The following MAF variants were observed in gnomAD, a reference collection of about 807,000 sequenced individuals.
The protein encoded by MAF is MAF bZIP transcription factor, also known as transcription factor Maf.
Under a neutral mutation model 22.0 loss-of-function variants are expected in MAF, and 10 were observed. The ratio of observed to expected loss-of-function variants is 0.45; its 90% CI spans 0.28 to 0.77. The LOEUF is 0.77. Among genes scored for constraint, MAF ranks in the 30% least tolerant of loss-of-function variants. MAF has a pLI of 0.12. For missense variants in MAF, 544 were observed against 548.4 expected (o/e 0.99, Z 0.08); for synonymous variants, 337 against 255.8 (o/e 1.32, Z -3.03).
chr16:79,376,076 G>GT, the MAF span, among the ~76,000 whole-genome samples: 1 of 151,168 alleles, frequency 6.6e-6, no homozygotes, highest in Admixed American at 6.6e-5. Context: ...TGGGAGAACA[G>GT]TGAAGCAACA....
At chr16:79,313,974 G>C in the MAF span, among the ~76,000 whole-genome samples, 1 of 152,126 alleles carries the variant, frequency 6.6e-6, no homozygotes, top group African/African-American at 2.4e-5. Flanking sequence ...AAGAATAAAG[G>C]CCAGGGAAAA....
the MAF span, among the ~76,000 whole-genome samples, chr16:79,522,098 G>A: frequency 6.6e-6 from 1 of 152,146 alleles, no homozygotes; most frequent in Non-Finnish European, 1.5e-5. Flanking sequence ...GATAGAGACA[G>A]CATCCTGGGG....
At chr16:79,492,985 GACTC>G in the MAF span, among the ~76,000 whole-genome samples, 1 of 151,654 alleles carries the variant, frequency 6.6e-6, no homozygotes, top group South Asian at 2.1e-4. Context: ...TGGAGGTAGA[GACTC>G]ACTCTGTCAT....
rs1313436271 is a variant in MAF, at chr16:79,598,131, C to T, written c.1118+654G>A. On this transcript the variant is annotated intron_variant, in intron 1 of 1. Transcript: ENST00000326043. ...TTTTTCCTTTGCAAGCTCAATCTCA[C>T]ATGAAGAACTCAGGAGAAGAAAAAA... The T allele has an allele frequency of 5.8e-6, 6 of 1,043,324 alleles. No homozygotes were observed. The African/African-American group carries it at 1.0e-4, about 18-fold the overall frequency. 64.6% of individuals were successfully genotyped at this position (1,043,324 alleles called of 1,614,324 possible). A position where few individuals can be genotyped will look rare whatever the true frequency, so the allele number is the denominator to read the frequency against.
the MAF span, among the ~76,000 whole-genome samples, chr16:79,252,300 A>C: frequency 1.3e-5 from 2 of 150,974 alleles, no homozygotes; most frequent in African/African-American, 2.4e-5. Context: ...TTTATTTATA[A>C]ATAAACTTTA....
the MAF span, among the ~76,000 whole-genome samples, chr16:79,448,359 G>C: frequency 0.14 from 21,577 of 151,236 alleles, 1,904 homozygotes; most frequent in East Asian, 0.25. Flanking sequence ...CTTTCTGAAG[G>C]CTCAGATGAA....
At chr16:79,285,433 C>G in the MAF span, among the ~76,000 whole-genome samples, 1 of 152,046 alleles carries the variant, frequency 6.6e-6, no homozygotes. Context: ...AGCTGTACAG[C>G]TGGAAAATAG....
downstream of MAF, among the ~76,000 whole-genome samples, chr16:79,591,166 G>A (rs977312662): frequency 2.6e-5 from 4 of 152,062 alleles, no homozygotes. Context: ...ATAGTTCTTT[G>A]GAATCTCAGC....
chr16:79,568,106 G>C, the MAF span, among the ~76,000 whole-genome samples: 2 of 152,310 alleles, frequency 1.3e-5, no homozygotes, highest in East Asian at 1.9e-4. Context: ...TCAAATGTTG[G>C]GGGTGGGGGA....
the MAF span, among the ~76,000 whole-genome samples, chr16:79,406,138 A>G: frequency 6.7e-6 from 1 of 149,714 alleles, no homozygotes; most frequent in Non-Finnish European, 1.5e-5. Flanking sequence ...GCCCACAGTG[A>G]CCCATCCATG....
the MAF span, among the ~76,000 whole-genome samples, chr16:79,220,532 C>A: frequency 1.3e-5 from 2 of 151,976 alleles, no homozygotes; most frequent in Admixed American, 1.3e-4. Flanking sequence ...CTGTATCTAG[C>A]GAACAGATAG....
chr16:79,510,985 G>A, the MAF span, among the ~76,000 whole-genome samples: 2 of 152,180 alleles, frequency 1.3e-5, no homozygotes, highest in Non-Finnish European at 2.9e-5. Context: ...CTAATTGTGA[G>A]TGGGTTCCAA....
the MAF span, among the ~76,000 whole-genome samples, chr16:79,552,959 C>A: frequency 6.6e-6 from 1 of 152,198 alleles, no homozygotes; most frequent in Non-Finnish European, 1.5e-5. Context: ...GTGACCAGGG[C>A]CTCACACTTC....
At chr16:79,246,658 G>C in the MAF span, among the ~76,000 whole-genome samples, 1 of 152,096 alleles carries the variant, frequency 6.6e-6, no homozygotes, top group African/African-American at 2.4e-5. Flanking sequence ...AACATGAAAT[G>C]TGTTAATTTT....
At chr16:79,589,204 A>G (rs1438663459), downstream of MAF, among the ~76,000 whole-genome samples, 1 of 152,176 alleles carries the variant, frequency 6.6e-6, no homozygotes, top group Admixed American at 6.5e-5. Context: ...TTCTGAAATT[A>G]GTGGTTTTAA....
the MAF span, among the ~76,000 whole-genome samples, chr16:79,404,407 C>G: frequency 6.6e-6 from 1 of 152,082 alleles, no homozygotes; most frequent in Non-Finnish European, 1.5e-5. Context: ...CGTGATCTGC[C>G]CGCCTTGGCC....
chr16:79,462,318 CA>C, the MAF span, among the ~76,000 whole-genome samples: 1 of 152,204 alleles, frequency 6.6e-6, no homozygotes, highest in Non-Finnish European at 1.5e-5. Flanking sequence ...TCTAACCCAA[CA>C]GGATGAGTAA....
At chr16:79,440,626 GGGTT>G in the MAF span, among the ~76,000 whole-genome samples, 2 of 152,172 alleles carry the variant, frequency 1.3e-5, no homozygotes, top group East Asian at 3.9e-4. Context: ...AGTAGAGAAG[GGGTT>G]TCACCATGTT....
At chr16:79,370,781 C>T in the MAF span, among the ~76,000 whole-genome samples, 2 of 152,146 alleles carry the variant, frequency 1.3e-5, no homozygotes, top group Non-Finnish European at 2.9e-5. Flanking sequence ...GAAATAAACT[C>T]CAGAATCCAC....
Sources: gnomAD v4.1 joint callset for allele counts (sites outside exome capture counted in the v4.1 genomes callset) on GRCh38, gnomAD v4.1.1 for gene constraint, MANE v1.5 for transcripts, NCBI Gene and HGNC (gene_info 2026-07-23, HGNC 2026-07-21) for gene names.